Variants in SLC17A5 observed in about 807,000 individuals in gnomAD.
SLC17A5 encodes the protein sialin.
In SLC17A5, 47 loss-of-function variants were observed where a neutral mutation model predicts 59.4. That is an observed-to-expected ratio of 0.79 (90% confidence interval 0.63 to 1.01). The LOEUF (loss-of-function observed/expected upper bound fraction) is 1.01. Among genes scored for constraint, SLC17A5 ranks in the 50% least tolerant of loss-of-function variants. SLC17A5 has a pLI of 0.00. For missense variants in SLC17A5, 522 were observed against 595.5 expected (o/e 0.88, Z 1.28); for synonymous variants, 202 against 210.7 (o/e 0.96, Z 0.36).
intron 2 of SLC17A5, among the ~76,000 whole-genome samples, chr6:73,643,225 T>A (rs1769371132): frequency 6.6e-6 from 1 of 151,792 alleles, no homozygotes; most frequent in South Asian, 2.1e-4. Context: ...AGTGGCGCGA[T>A]CTCGGCTCAC....
Position 73,595,057 on chromosome 6 carries a change from A to G in SLC17A5, c.*20T>C. 2 of 1,613,684 alleles carry G rather than the reference A, an allele frequency of 1.2e-6. No homozygotes were observed. The highest frequency in any genetic ancestry group is 1.7e-6 in the Non-Finnish European group (2 of 1,179,622). On this transcript the variant is annotated 3_prime_UTR_variant, in exon 11 of 11. Coordinates refer to ENST00000355773, the MANE Select transcript of SLC17A5 (RefSeq NM_012434.5). ...TAAATAAAAATACATTAATAGAGGC[A>G]GGATTATTTATTGGTTCCTTCAGTG...
At chr6:73,623,356 G>A (rs950108102) in intron 6 of SLC17A5, among the ~76,000 whole-genome samples, 1 of 147,218 alleles carries the variant, frequency 6.8e-6, no homozygotes, top group Non-Finnish European at 1.5e-5. Context: ...TTTTTTTTGA[G>A]ATGGAGTCTT....
At chr6:73,643,960 A>C (rs1342152709) in intron 2 of SLC17A5, among the ~76,000 whole-genome samples, 2 of 152,206 alleles carry the variant, frequency 1.3e-5, no homozygotes, top group Non-Finnish European at 2.9e-5. Context: ...GCATGTGTAC[A>C]TTCAGAAAAG....
chr6:73,620,394 T>G (rs1256099101), intron 7 of SLC17A5, among the ~76,000 whole-genome samples: 1 of 152,206 alleles, frequency 6.6e-6, no homozygotes, highest in African/African-American at 2.4e-5. Flanking sequence ...TAGTAGTAGA[T>G]TATAATCAGG....
chr6:73,611,055 C>T lies in SLC17A5; in HGVS notation c.1112-508G>A, dbSNP rs575011505. On this transcript the variant is annotated intron_variant, in intron 8 of 10. Coordinates refer to ENST00000355773, the MANE Select transcript of SLC17A5 (RefSeq NM_012434.5). ...GCCAGGAGTTTGAGGCCAGCCTGGGCAACACAGCAAGACCCTGTCTCTACG... is the reference window on the plus strand; with the variant it reads ...GCCAGGAGTTTGAGGCCAGCCTGGGTAACACAGCAAGACCCTGTCTCTACG... Among the ~76,000 whole-genome samples, 35 of 152,138 alleles carry T rather than the reference C, an allele frequency of 2.3e-4. 1 individual carries two copies. Among genetic ancestry groups the T allele is most frequent in the African/African-American group, 7.9e-4 (33 of 41,514 alleles).
chr6:73,641,404 A>C (rs1581987426), intron 3 of SLC17A5, among the ~76,000 whole-genome samples: 1 of 152,212 alleles, frequency 6.6e-6, no homozygotes, highest in South Asian at 2.1e-4. Context: ...TTAATGGTTT[A>C]TTTTCTTCTC....
intron 9 of SLC17A5, among the ~76,000 whole-genome samples, chr6:73,601,998 G>C (rs868360224): frequency 5.3e-5 from 8 of 152,082 alleles, no homozygotes; most frequent in Admixed American, 3.9e-4. Flanking sequence ...GAATAGAAAG[G>C]GGGGAAAGGT....
chr6:73,645,097 G>A (rs1769478521), intron 1 of SLC17A5, among the ~76,000 whole-genome samples: 1 of 152,176 alleles, frequency 6.6e-6, no homozygotes, highest in Non-Finnish European at 1.5e-5. Flanking sequence ...AGAAAAGCAG[G>A]TAAGGAGGTT....
chr6:73,609,047 G>C (rs1423976563), intron 9 of SLC17A5, among the ~76,000 whole-genome samples: 1 of 152,166 alleles, frequency 6.6e-6, no homozygotes, highest in East Asian at 1.9e-4. Context: ...ATAGGAGACT[G>C]AGGATTCATA....
intron 9 of SLC17A5, among the ~76,000 whole-genome samples, chr6:73,601,544 G>A (rs1767099981): frequency 1.0e-5 from 1 of 97,332 alleles, no homozygotes; most frequent in Non-Finnish European, 2.0e-5. Context: ...CAGCCAACCC[G>A]TCCGGGAGGT....
intron 10 of SLC17A5, 103 bp from the exon 11 acceptor site, chr6:73,595,317 A>C: frequency 4.6e-6 from 6 of 1,303,600 alleles, no homozygotes; most frequent in Non-Finnish European, 6.5e-6. Context: ...CACATTATTC[A>C]TAAAAGCCTC....
intron 6 of SLC17A5, among the ~76,000 whole-genome samples, chr6:73,625,792 C>G (rs1768381977): frequency 6.6e-6 from 1 of 152,062 alleles, no homozygotes; most frequent in African/African-American, 2.4e-5. Flanking sequence ...ACACTGAGAC[C>G]AAGGTCACAC....
At chr6:73,651,842 G>A (rs1769886372) in intron 1 of SLC17A5, among the ~76,000 whole-genome samples, 1 of 152,172 alleles carries the variant, frequency 6.6e-6, no homozygotes, top group Non-Finnish European at 1.5e-5. Flanking sequence ...TTTATTTGCT[G>A]TGATAATAGT....
chr6:73,632,841 C>G (rs539237827), intron 6 of SLC17A5, among the ~76,000 whole-genome samples: 3 of 149,386 alleles, frequency 2.0e-5, no homozygotes, highest in Non-Finnish European at 4.4e-5. Flanking sequence ...AGCTGTTACC[C>G]ATCAATGTTG....
Position 73,653,887 on chromosome 6 carries a change from G to A in SLC17A5, c.-1C>T. On this transcript the variant is annotated 5_prime_UTR_variant, in exon 1 of 11. Coordinates refer to ENST00000355773, the MANE Select transcript of SLC17A5 (RefSeq NM_012434.5). ...CCAGGTCTCGAACCGGAGACCTCAT[G>A]ACGCCTACGTGAGCAGGTGTACTCG... 4 of 1,604,600 alleles carry A rather than the reference G, an allele frequency of 2.5e-6. No individual in the cohort carries two copies. In the South Asian group the frequency reaches 3.4e-5, roughly 13 times the overall value.
intron 9 of SLC17A5, among the ~76,000 whole-genome samples, chr6:73,606,480 C>A (rs568422): frequency 0.11 from 16,360 of 152,196 alleles, 1,060 homozygotes; most frequent in Middle Eastern, 0.18. Flanking sequence ...TGTTACTAAA[C>A]CTGTTTAGCT....
chr6:73,615,310 C>T lies in SLC17A5; in HGVS notation c.1111+5G>A. 6.2e-7 allele frequency: 1 copy of T among 1,613,994 alleles called. No homozygotes were observed. On this transcript the variant is annotated splice_donor_5th_base_variant and intron_variant, in intron 8 of 10. Coordinates refer to ENST00000355773, the MANE Select transcript of SLC17A5 (RefSeq NM_012434.5). ...ACCAAAACAAAACCTGATTGCTTCA[C>T]TTACCTATAAGGCTAAAAATTCTGC...
intron 7 of SLC17A5, among the ~76,000 whole-genome samples, chr6:73,618,154 G>A (rs977187325): frequency 4.6e-5 from 7 of 151,594 alleles, no homozygotes; most frequent in African/African-American, 9.7e-5. Flanking sequence ...GCTTGAACCC[G>A]GGAGGTGGAG....
intron 1 of SLC17A5, among the ~76,000 whole-genome samples, chr6:73,650,803 A>C (rs1396045935): frequency 6.6e-6 from 1 of 152,172 alleles, no homozygotes; most frequent in Non-Finnish European, 1.5e-5. Flanking sequence ...AAAAGTCTAT[A>C]AGGGCAGGAG....
Sources: allele counts gnomAD v4.1 joint callset (sites outside exome capture counted in the v4.1 genomes callset), GRCh38; gene constraint gnomAD v4.1.1; transcripts MANE v1.5; gene names NCBI Gene and HGNC (gene_info 2026-07-23, HGNC 2026-07-21).